Variants in MNAT1 observed in about 807,000 individuals in gnomAD.
The protein encoded by MNAT1 is CDK-activating kinase assembly factor MAT1.
In MNAT1, 43 loss-of-function variants were observed where a neutral mutation model predicts 42.0. That is an observed-to-expected ratio of 1.02 (90% confidence interval 0.80 to 1.32). The LOEUF (loss-of-function observed/expected upper bound fraction) is 1.32. Among genes scored for constraint, MNAT1 ranks in the 40% most tolerant of loss-of-function variants. The pLI is 0.00. For synonymous variants in MNAT1, 118 were observed against 120.0 expected (o/e 0.98, Z 0.11); for missense variants, 306 against 350.4 (o/e 0.87, Z 1.01).
chr14:60,888,749 G>C (rs868084532), intron 7 of MNAT1, among the ~76,000 whole-genome samples: 9 of 130,944 alleles, frequency 6.9e-5, no homozygotes, highest in African/African-American at 1.7e-4. Flanking sequence ...CTTCAGCAAA[G>C]TCTCAGGATA....
chr14:60,916,933 A>T (rs1219409031), intron 7 of MNAT1, among the ~76,000 whole-genome samples: 1 of 152,156 alleles, frequency 6.6e-6, no homozygotes, highest in African/African-American at 2.4e-5. Context: ...AGCCTGTGTG[A>T]CAGAGCAAGA....
chr14:60,791,768 AG>A, intron 1 of MNAT1, among the ~76,000 whole-genome samples: 1 of 152,214 alleles, frequency 6.6e-6, no homozygotes, highest in South Asian at 2.1e-4. Context: ...TGAGGTCATA[AG>A]TTTTTTAAAA....
intron 7 of MNAT1, among the ~76,000 whole-genome samples, chr14:60,940,978 T>C (rs2036145219): frequency 6.6e-6 from 1 of 152,230 alleles, no homozygotes; most frequent in Middle Eastern, 3.2e-3. Flanking sequence ...GTTAACTGTA[T>C]GACGTTCCCA....
intron 1 of MNAT1, among the ~76,000 whole-genome samples, chr14:60,758,918 C>T (rs993664563): frequency 2.6e-5 from 4 of 152,056 alleles, no homozygotes; most frequent in Admixed American, 2.6e-4. Context: ...ATCTCATACC[C>T]CTAACCTTTG....
In MNAT1 at chr14:60,969,595, TTTTTTTTCAAAGTCCA is replaced by T. The variant is rs1594921567; in HGVS notation, c.*1247_*1262del. 6.6e-6 allele frequency: 1 copy of T among 152,160 alleles called. No homozygotes were observed. Among genetic ancestry groups the T allele is most frequent in the South Asian group, 2.1e-4 (1 of 4,826 alleles). The allele number at this position is 152,160 out of a possible 1,614,324, so 9.4% of individuals were successfully genotyped here. On this transcript the variant is annotated 3_prime_UTR_variant, in exon 8 of 8. Transcript: ENST00000261245. ...AAAAGCCAGAATTAGAATGCAGGTT[TTTTTTTTCAAAGTCCA>T]GTTCCATCTACATTCTACCAGACTG...
At chr14:60,752,055 AAT>A (rs1399994796) in intron 1 of MNAT1, among the ~76,000 whole-genome samples, 1 of 152,190 alleles carries the variant, frequency 6.6e-6, no homozygotes, top group African/African-American at 2.4e-5. Flanking sequence ...TTTCTTTATA[AAT>A]AGTTCTACTG....
intron 7 of MNAT1, among the ~76,000 whole-genome samples, chr14:60,941,223 C>T (rs1180736759): frequency 6.6e-6 from 1 of 152,184 alleles, no homozygotes. Flanking sequence ...AAATATTTCT[C>T]TGGCTAGTCC....
chr14:60,828,775 C>T (rs141969990), intron 6 of MNAT1, among the ~76,000 whole-genome samples: 1 of 152,150 alleles, frequency 6.6e-6, no homozygotes, highest in Non-Finnish European at 1.5e-5. Context: ...TTCCCACGAT[C>T]CCTTCCTGTG....
chr14:60,777,869 C>A (rs2031308321), intron 1 of MNAT1, among the ~76,000 whole-genome samples: 1 of 152,046 alleles, frequency 6.6e-6, no homozygotes, highest in South Asian at 2.1e-4. Context: ...ACAAAGTAGA[C>A]CATAACAAGT....
rs76665882 is a variant in MNAT1, at chr14:60,749,561, A to G, written c.89+14610A>G. On this transcript the variant is annotated intron_variant, in intron 1 of 7. Transcript: ENST00000261245. ...ATTAAAACTTTTTCTCATCTGTACAATGGGTTCACTAGTAGTGATACCTTA... is the reference window on the plus strand; with the variant it reads ...ATTAAAACTTTTTCTCATCTGTACAGTGGGTTCACTAGTAGTGATACCTTA... Among the ~76,000 whole-genome samples the G allele has an allele frequency of 1.6e-3, 250 of 152,314 alleles. No homozygotes were observed. In the East Asian group the frequency reaches 0.028, roughly 17 times the overall value.
At chr14:60,960,518 T>C (rs959676355) in intron 7 of MNAT1, among the ~76,000 whole-genome samples, 13 of 152,220 alleles carry the variant, frequency 8.5e-5, no homozygotes, top group African/African-American at 3.1e-4. Flanking sequence ...TATATCCAGC[T>C]ACCATTCCTC....
chr14:60,894,699 T>TTGGTGG (rs200868944), intron 7 of MNAT1, among the ~76,000 whole-genome samples: 19 of 152,062 alleles, frequency 1.2e-4, no homozygotes, highest in African/African-American at 4.1e-4. Flanking sequence ...TGTGTGTCTG[T>TTGGTGG]TGGTGGTGGT....
chr14:60,854,165 C>G (rs1182081718), intron 6 of MNAT1, among the ~76,000 whole-genome samples: 1 of 152,148 alleles, frequency 6.6e-6, no homozygotes, highest in Non-Finnish European at 1.5e-5. Context: ...ATTTATATTC[C>G]TCTCTAAACT....
At chr14:60,898,227 G>T (rs1044572668) in intron 7 of MNAT1, among the ~76,000 whole-genome samples, 12 of 151,728 alleles carry the variant, frequency 7.9e-5, no homozygotes, top group African/African-American at 2.7e-4. Flanking sequence ...ATGGTGTTGT[G>T]ATGAACATGT....
chr14:60,784,419 T>C (rs2140316980), intron 1 of MNAT1, among the ~76,000 whole-genome samples: 1 of 151,754 alleles, frequency 6.6e-6, no homozygotes, highest in South Asian at 2.1e-4. Flanking sequence ...ACTTAAATGA[T>C]CCTCCTGCTG....
At chr14:60,895,310 T>C (rs1406866436) in intron 7 of MNAT1, among the ~76,000 whole-genome samples, 1 of 152,208 alleles carries the variant, frequency 6.6e-6, no homozygotes, top group African/African-American at 2.4e-5. Context: ...TTTAGAAACA[T>C]TTAGAAAGGA....
chr14:60,807,734 T>G (rs1205042875), intron 3 of MNAT1, among the ~76,000 whole-genome samples: 1 of 152,156 alleles, frequency 6.6e-6, no homozygotes, highest in Non-Finnish European at 1.5e-5. Flanking sequence ...GTGGTTCTCT[T>G]AAGAAATTCT....
At chr14:60,761,808 A>G (rs1371101384) in intron 1 of MNAT1, among the ~76,000 whole-genome samples, 1 of 152,208 alleles carries the variant, frequency 6.6e-6, no homozygotes, top group East Asian at 1.9e-4. Context: ...CAAGTGTAAC[A>G]CTAATTAAAT....
intron 7 of MNAT1, among the ~76,000 whole-genome samples, chr14:60,900,046 C>G (rs903336149): frequency 2.6e-5 from 3 of 117,478 alleles, no homozygotes; most frequent in Non-Finnish European, 3.6e-5. Flanking sequence ...GGCTGTTTCC[C>G]CATCTCTCTC....
Sources: gnomAD v4.1 joint callset for allele counts (sites outside exome capture counted in the v4.1 genomes callset) on GRCh38, gnomAD v4.1.1 for gene constraint, MANE v1.5 for transcripts, NCBI Gene and HGNC (gene_info 2026-07-23, HGNC 2026-07-21) for gene names.